STK32B: variants seen among roughly 807,000 people sequenced by gnomAD.
STK32B encodes serine/threonine-protein kinase 32B.
Under a neutral mutation model 52.6 loss-of-function variants are expected in STK32B, and 43 were observed. The observed-to-expected ratio is 0.82, with a 90% CI of 0.64 to 1.05. The LOEUF is 1.05. Ranked by LOEUF, STK32B falls within the 50% of genes least tolerant of loss-of-function variation. The probability of loss-of-function intolerance (pLI) is 0.00; values close to 1 mark genes in which losing one functional copy is unlikely to be tolerated. For missense variants in STK32B, 621 were observed against 534.6 expected, an observed-to-expected ratio of 1.16 and a Z score of -1.59; for synonymous variants, 238 against 204.3, an observed-to-expected ratio of 1.17 and a Z score of -1.41.
At position 5,398,487 on chromosome 4, in the gene STK32B, G is replaced by A. The variant is rs972670725; in HGVS notation, c.472+243G>A. Among the ~76,000 whole-genome samples, 3 of 152,082 alleles carry A rather than the reference G, an allele frequency of 2.0e-5. No homozygotes were observed. Among genetic ancestry groups the A allele is most frequent in the African/African-American group, 4.8e-5 (2 of 41,398 alleles). ...TGAAGTCATTGCTGTTCATATCCCC[G>A]TGTGAGGAGGACAGGGCCGCCGTGA... is the stretch of plus-strand genomic sequence containing the variant. On this transcript the variant is annotated intron_variant, in intron 5 of 11. Transcript: ENST00000282908. The surrounding 1 kb of genome is among the most constrained non-coding windows in gnomAD (Gnocchi z 4.9).
At chr4:5,366,472 A>AT (rs975989167) in intron 4 of STK32B, among the ~76,000 whole-genome samples, 7 of 152,216 alleles carry the variant, frequency 4.6e-5, no homozygotes, top group East Asian at 3.9e-4. Flanking sequence ...CTGGATACTC[A>AT]TTTTTTTCCG....
At chr4:5,192,016 C>T (rs1252374921) in intron 3 of STK32B, among the ~76,000 whole-genome samples, 1 of 152,198 alleles carries the variant, frequency 6.6e-6, no homozygotes. Flanking sequence ...GGCATCAGGA[C>T]TCATGCCCAA....
At chr4:5,350,689 A>G (rs540220907) in intron 4 of STK32B, among the ~76,000 whole-genome samples, 37 of 152,260 alleles carry the variant, frequency 2.4e-4, no homozygotes, top group Admixed American at 5.2e-4. Context: ...TAAAATATAT[A>G]GACTGGATGA....
chr4:5,352,295 CA>C (rs1309298803), intron 4 of STK32B, among the ~76,000 whole-genome samples: 1 of 151,992 alleles, frequency 6.6e-6, no homozygotes, highest in Non-Finnish European at 1.5e-5. Context: ...TCAACATATG[CA>C]AATCGGTAAA....
At position 5,164,468 on chromosome 4, in the gene STK32B, C is replaced by T. The variant is rs534166852; in HGVS notation, c.109-3831C>T. Among the ~76,000 whole-genome samples the T allele has an allele frequency of 2.0e-5, 3 of 152,292 alleles. No individual in the cohort carries two copies. In the South Asian group the frequency reaches 6.2e-4, roughly 32 times the overall value. On this transcript the variant is annotated intron_variant, in intron 2 of 11. Coordinates refer to ENST00000282908, the MANE Select transcript of STK32B (RefSeq NM_018401.3). ...TAACTTAATTACATCTGCAAAGACC[C>T]CTATCCAAATAAGAGCACTGTCTTA...
intron 3 of STK32B, among the ~76,000 whole-genome samples, chr4:5,330,937 T>A (rs1041902095): frequency 1.3e-5 from 2 of 152,088 alleles, no homozygotes; most frequent in Non-Finnish European, 2.9e-5. Flanking sequence ...TGGAGTCCAG[T>A]AGTAGTTAAA....
chr4:5,120,753 T>G (rs11934236), intron 1 of STK32B, among the ~76,000 whole-genome samples: 9,333 of 152,106 alleles, frequency 0.061, 925 homozygotes, highest in African/African-American at 0.21. Context: ...ATTGAAAAGG[T>G]ATCTGATGCC....
Position 5,134,595 on chromosome 4 carries a change from A to G in STK32B, c.53-5310A>G, listed in dbSNP as rs377151145. On this transcript the variant is annotated intron_variant, in intron 1 of 11. Transcript: ENST00000282908. ...CAAAACAGACTAAGGCATATCAGAA[A>G]CCAGGATTTGGGGGTGACATTGTCT... Among the ~76,000 whole-genome samples, 7 of 152,324 alleles carry G rather than the reference A, an allele frequency of 4.6e-5. No homozygotes were observed. The East Asian group carries it at 9.6e-4, about 21-fold the overall frequency.
chr4:5,275,830 A>C (rs1727779939), intron 3 of STK32B, among the ~76,000 whole-genome samples: 1 of 151,746 alleles, frequency 6.6e-6, no homozygotes, highest in South Asian at 2.1e-4. Flanking sequence ...AGGAAGAAGG[A>C]GAAGGGGGAT....
At chr4:5,056,023 C>A (rs1026508432) in intron 1 of STK32B, among the ~76,000 whole-genome samples, 1 of 152,172 alleles carries the variant, frequency 6.6e-6, no homozygotes, top group African/African-American at 2.4e-5. Context: ...TCTGTAGGAA[C>A]TGGGCCATCA....
chr4:5,206,454 G>T (rs1722582942), intron 3 of STK32B, among the ~76,000 whole-genome samples: 1 of 152,068 alleles, frequency 6.6e-6, no homozygotes, highest in Non-Finnish European at 1.5e-5. Context: ...GGCGGTTATT[G>T]CATGGAGAGA....
intron 1 of STK32B, among the ~76,000 whole-genome samples, chr4:5,076,598 C>G (rs1439824703): frequency 6.6e-6 from 1 of 152,150 alleles, no homozygotes; most frequent in Non-Finnish European, 1.5e-5. Context: ...CTAGTAAATA[C>G]TGCATATTCA....
chr4:5,325,612 T>A (rs935039420), intron 3 of STK32B, among the ~76,000 whole-genome samples: 2 of 152,188 alleles, frequency 1.3e-5, no homozygotes, highest in African/African-American at 4.8e-5. Flanking sequence ...AATAATTTTT[T>A]AAAAAATAAA....
chr4:5,171,883 A>G (rs185875523), intron 3 of STK32B, among the ~76,000 whole-genome samples: 23,487 of 143,930 alleles, frequency 0.16, 2,531 homozygotes, highest in East Asian at 0.27. Flanking sequence ...CATTGAATCT[A>G]TAAATTACCT....
intron 6 of STK32B, among the ~76,000 whole-genome samples, chr4:5,444,144 G>C (rs11736370): frequency 0.68 from 102,885 of 151,826 alleles, 34,927 homozygotes; most frequent in East Asian, 0.76. Flanking sequence ...TGGAGCTTCC[G>C]GGCTGCTTTG....
At chr4:5,397,435 G>A (rs10050191) in intron 4 of STK32B, among the ~76,000 whole-genome samples, 5,394 of 152,250 alleles carry the variant, frequency 0.035, 153 homozygotes, top group East Asian at 0.084. Flanking sequence ...TCAGCCTTCA[G>A]AATGTTTCAC....
At chr4:5,226,910 G>A (rs1723916346) in intron 3 of STK32B, among the ~76,000 whole-genome samples, 1 of 152,148 alleles carries the variant, frequency 6.6e-6, no homozygotes, top group Non-Finnish European at 1.5e-5. Context: ...GTAACATAAT[G>A]TTAACAGAAG....
At chr4:5,127,571 G>GTCTT (rs770127897) in intron 1 of STK32B, among the ~76,000 whole-genome samples, 7 of 152,158 alleles carry the variant, frequency 4.6e-5, no homozygotes, top group Non-Finnish European at 7.3e-5. Context: ...TGGAAATAGG[G>GTCTT]TCTTTGTATA....
In STK32B at chr4:5,453,576, G is replaced by A. The variant is rs554984396; in HGVS notation, c.667-3231G>A. 3.3e-5 allele frequency among the ~76,000 whole-genome samples: 5 copies of A among 151,962 alleles called. No individual in the cohort carries two copies. The East Asian group carries it at 9.7e-4, about 29-fold the overall frequency. ...ACTGTTTTGGGCAGAACTGTTTATT[G>A]AAAAGCAAAAAAGACAGGAAGGAGC... On this transcript the variant is annotated intron_variant, in intron 7 of 11. Transcript: ENST00000282908. The surrounding 1 kb of genome is among the most constrained non-coding windows in gnomAD (Gnocchi z 4.0).
Sources: gnomAD v4.1 joint callset for allele counts (sites outside exome capture counted in the v4.1 genomes callset) on GRCh38, gnomAD v4.1.1 for gene constraint, Gnocchi (gnomAD v3.1) non-coding constraint, MANE v1.5 for transcripts, NCBI Gene and HGNC (gene_info 2026-07-23, HGNC 2026-07-21) for gene names.